The following COG1 variants were observed in gnomAD, a reference collection of about 807,000 sequenced individuals.
The protein encoded by COG1 is component of oligomeric golgi complex 1.
COG1 carries 61 observed loss-of-function variants against 102.2 expected under a neutral mutation model. The observed-to-expected ratio is 0.60, with a 90% CI of 0.49 to 0.74. COG1 has a LOEUF of 0.74. COG1 is among the 30% of genes least tolerant of loss of function. The pLI is 0.00. For synonymous variants in COG1, 454 were observed against 493.6 expected (o/e 0.92, Z 1.06); for missense variants, 1,164 against 1,232.1 (o/e 0.94, Z 0.83).
chr17:73,194,374 G>A (rs1352310377), intron 1 of COG1, among the ~76,000 whole-genome samples: 1 of 142,894 alleles, frequency 7.0e-6, no homozygotes, highest in South Asian at 2.3e-4. Context: ...CCCGGGAGGC[G>A]GAGCTTGCAG....
chr17:73,208,211 G>A (rs116132000), intron 13 of COG1, 103 bp from the exon 14 acceptor site: 54 of 1,596,144 alleles, frequency 3.4e-5, no homozygotes, highest in Non-Finnish European at 4.4e-5. Flanking sequence ...TCTCAGCTCC[G>A]CTTGTGTGTG....
At position 73,201,541 on chromosome 17, in the gene COG1, A is replaced by C. The variant is rs545660998; in HGVS notation, c.1714A>C (p.Thr572Pro). ...DAGTVQEMLRTQSVACIKHIV... is the reference protein window; with the variant it reads ...DAGTVQEMLRPQSVACIKHIV... ...GGGGACCGTGCAGGAGATGCTGCGG[A>C]CTCAGTCCGTGGCATGCATCAAGCA... The change falls in exon 7 of 14, where the codon ACT becomes CCT. Residue 572 changes from threonine (T) to proline (P), a missense_variant. Transcript: ENST00000299886. 1.4e-5 allele frequency: 22 copies of C among 1,614,182 alleles called. No individual in the cohort carries two copies. In the East Asian group the frequency reaches 4.7e-4, roughly 34 times the overall value.
At position 73,205,827 on chromosome 17, in the gene COG1, TA is replaced by T; in HGVS notation, c.2510+150del. ...GTAAGTGCTCATATTGCCAGCAAGT[TA>T]AATAATGGCCGCCTGCTGGATAAAT... On this transcript the variant is annotated intron_variant, in intron 10 of 13. Coordinates refer to ENST00000299886, the MANE Select transcript of COG1 (RefSeq NM_018714.3). 3 of 1,030,770 alleles carry T rather than the reference TA, an allele frequency of 2.9e-6. No individual in the cohort carries two copies. The Admixed American group carries it at 5.4e-5, about 19-fold the overall frequency. 63.9% of individuals were successfully genotyped at this position (1,030,770 alleles called of 1,614,324 possible).
rs187270295 is a variant in COG1, at chr17:73,198,631, C to T, written c.914-1234C>T. On this transcript the variant is annotated intron_variant, in intron 4 of 13. Transcript: ENST00000299886. ...AACGTTGCATTGGCGATGGCTGAGG[C>T]CTTGGAATGGGACTGTGAAGCGGGC... 7.2e-5 allele frequency among the ~76,000 whole-genome samples: 11 copies of T among 152,248 alleles called. 1 individual carries two copies. Among genetic ancestry groups the T allele is most frequent in the Admixed American group, 7.2e-4 (11 of 15,280 alleles).
chr17:73,205,500 T>TCACATAC lies in COG1; in HGVS notation c.2383-50_2383-44dup, dbSNP rs1234635236. 2.5e-6 allele frequency: 4 copies of TCACATAC among 1,605,632 alleles called. No homozygotes were observed. In the African/African-American group the frequency reaches 5.4e-5, roughly 21 times the overall value. On this transcript the variant is annotated intron_variant, in intron 9 of 13. Coordinates refer to ENST00000299886, the MANE Select transcript of COG1 (RefSeq NM_018714.3). ...CAAAACTTGAAGCTGTTTATTACGCTCACATACCAAGTCCTCTCTCTTCAT... is the reference window on the plus strand; with the variant it reads ...CAAAACTTGAAGCTGTTTATTACGCTCACATACCACATACCAAGTCCTCTCTCTTCAT...
At chr17:73,193,517 G>GC in intron 1 of COG1, 133 bp downstream of exon 1, 1 of 838,580 alleles carries the variant, frequency 1.2e-6, no homozygotes, top group Non-Finnish European at 1.7e-6. Flanking sequence ...GAGCCTATCC[G>GC]CCCCTCACCC....
intron 7 of COG1, among the ~76,000 whole-genome samples, chr17:73,202,288 G>A (rs563942199): frequency 3.9e-5 from 6 of 152,254 alleles, no homozygotes; most frequent in Admixed American, 6.5e-5. Context: ...GCAGTGAGCC[G>A]AGATCGCACC....
Position 73,203,683 on chromosome 17 carries a change from C to G in COG1, c.2272C>G (p.Arg758Gly), listed in dbSNP as rs146952271. The change falls in exon 9 of 14, where the codon CGG becomes GGG. Residue 758 changes from arginine to glycine, a missense_variant. Arg to Gly is a moderately radical substitution (Grantham distance 125). Transcript: ENST00000299886. The part of the protein sequence containing the change: ...FLFSLCQEIN[R>G]VGGHALPKVT... ...GTTTAGTTTATGCCAGGAAATTAAT[C>G]GGGTTGGAGGCCATGCCTTGCCAAA... The G allele has an allele frequency of 7.4e-6, 12 of 1,614,060 alleles. No homozygotes were observed. Among genetic ancestry groups the G allele is most frequent in the Middle Eastern group, 1.6e-4 (1 of 6,084 alleles).
In COG1 at chr17:73,199,848, CT is replaced by C. The variant is rs752833886; in HGVS notation, c.914-15del. On this transcript the variant is annotated splice_polypyrimidine_tract_variant and intron_variant, in intron 4 of 13. Transcript: ENST00000299886. The stretch of plus-strand genomic sequence containing the variant: ...AAAGGGTGGCCTAGATGGCTTCTCA[CT>C]TGGCCTTCTCTTTAGGAAAGGGCAC... 4 of 1,614,110 alleles carry C rather than the reference CT, an allele frequency of 2.5e-6. No homozygotes were observed. In the South Asian group the frequency reaches 3.3e-5, roughly 13 times the overall value.
At chr17:73,205,532 G>A in intron 9 of COG1, 21 bp from the exon 10 acceptor site, 1 of 1,613,972 alleles carries the variant, frequency 6.2e-7, no homozygotes, top group Non-Finnish European at 8.5e-7. Flanking sequence ...TCATGGGTGG[G>A]GACTGGGAAT....
intron 4 of COG1, among the ~76,000 whole-genome samples, chr17:73,199,572 TTTTA>T (rs1203927349): frequency 4.6e-5 from 7 of 152,134 alleles, no homozygotes; most frequent in Non-Finnish European, 8.8e-5. Flanking sequence ...TAAGTCCATC[TTTTA>T]TTTATTTATT....
Position 73,206,250 on chromosome 17 carries a change from G to A in COG1, c.2607G>A (p.Val869=). ...TCAACAGCAACCTTCATCGCCTGGT[G>A]CAGCGAACTTCTGTGAGTCAAATCA... ...PHLNSNLHRL[V]QRTSVLFGLV... is the part of the protein sequence containing the mutation. The change falls in exon 11 of 14, where the codon GTG becomes GTA. Residue 869 remains valine, a synonymous_variant. Transcript: ENST00000299886. 6.2e-7 allele frequency: 1 copy of A among 1,613,874 alleles called. No individual in the cohort carries two copies.
At chr17:73,206,357 A>G (rs1263096480) in intron 11 of COG1, 95 bp downstream of exon 11, 4 of 956,848 alleles carry the variant, frequency 4.2e-6, no homozygotes, top group East Asian at 4.8e-5. Flanking sequence ...TCCAGGATGC[A>G]GCATAGGGAG....
Position 73,208,481 on chromosome 17 carries a change from A to C in COG1, c.*30A>C. Reference sequence around the variant, plus strand: ...GCAACACATCTGTCTCTCCCTAAATAAATACTACCACATTATTTCTTCTAA... The same window carrying C: ...GCAACACATCTGTCTCTCCCTAAATCAATACTACCACATTATTTCTTCTAA... On this transcript the variant is annotated 3_prime_UTR_variant, in exon 14 of 14. Coordinates refer to ENST00000299886, the MANE Select transcript of COG1 (RefSeq NM_018714.3). The C allele has an allele frequency of 6.2e-7, 1 of 1,609,616 alleles. No individual in the cohort carries two copies. The highest frequency in any genetic ancestry group is 8.5e-7 in the Non-Finnish European group (1 of 1,176,640).
rs1255938616 is a variant in COG1 at position 73,196,623 on chromosome 17, A to T, written c.432A>T (p.Thr144=). The part of the protein sequence containing the change: ...SMEASQCLHA[T]QLYLLCCHLH... ...AAGCCTCTCAGTGTCTCCACGCCAC[A>T]CAGCTCTACCTGCTCTGCTGCCACC... Residue 144 remains threonine, a synonymous_variant, in exon 2 of 14, where the codon ACA becomes ACT. Transcript: ENST00000299886. The T allele has an allele frequency of 1.9e-6, 3 of 1,614,056 alleles. No individual in the cohort carries two copies. In the East Asian group the frequency reaches 6.7e-5, roughly 36 times the overall value.
At chr17:73,207,585 A>G (rs775840605) in intron 13 of COG1, 21 of 828,688 alleles carry the variant, frequency 2.5e-5, no homozygotes, top group Non-Finnish European at 3.7e-5. Context: ...TTTGGAGAAA[A>G]TCTGTTTTGT....
chr17:73,196,770 A>G lies in COG1; in HGVS notation c.560+19A>G. The G allele has an allele frequency of 6.2e-7, 1 of 1,614,098 alleles. No homozygotes were observed. Among genetic ancestry groups the G allele is most frequent in the South Asian group, 1.1e-5 (1 of 91,084 alleles). The stretch of plus-strand genomic sequence containing the variant: ...ACTTCCGGTAAGTGGATCCAGCGCA[A>G]AGAGCTGCTCTGGTGGTGGCCAGGC... On this transcript the variant is annotated intron_variant, in intron 2 of 13. Transcript: ENST00000299886.
At chr17:73,195,276 T>C (rs1263752960) in intron 1 of COG1, among the ~76,000 whole-genome samples, 1 of 152,158 alleles carries the variant, frequency 6.6e-6, no homozygotes, top group African/African-American at 2.4e-5. Flanking sequence ...GCTTACAACC[T>C]GGTCGAGGAA....
chr17:73,196,822 T>C (rs2061327258), intron 2 of COG1, 71 bp downstream of exon 2: 1 of 1,613,660 alleles, frequency 6.2e-7, no homozygotes, highest in Admixed American at 1.7e-5. Flanking sequence ...ATGGCGTTTG[T>C]CTTCTTTCCT....
Sources: gnomAD v4.1 joint callset for allele counts (sites outside exome capture counted in the v4.1 genomes callset) on GRCh38, gnomAD v4.1.1 for gene constraint, MANE v1.5 for transcripts, NCBI Gene and HGNC (gene_info 2026-07-23, HGNC 2026-07-21) for gene names.